The following ZNF214 variants were observed in gnomAD, a reference collection of about 807,000 sequenced individuals.
ZNF214 encodes the protein zinc finger protein 214, also known as BWSCR2-associated zinc finger protein 1.
In ZNF214, 43 loss-of-function variants were observed where a neutral mutation model predicts 53.9. That is an observed-to-expected ratio of 0.80 (90% CI 0.63 to 1.03). The LOEUF (loss-of-function observed/expected upper bound fraction) is 1.03, where lower values mean the gene tolerates loss of function less well. Among genes scored for constraint, ZNF214 ranks in the 50% least tolerant of loss-of-function variants. ZNF214 has a pLI of 0.00. For synonymous variants in ZNF214, 217 were observed against 229.5 expected (o/e 0.95, Z 0.49); for missense variants, 724 against 719.1 (o/e 1.01, Z -0.08).
chr11:7,016,684 A>G (rs1851778185), intron 1 of ZNF214, among the ~76,000 whole-genome samples: 1 of 152,230 alleles, frequency 6.6e-6, no homozygotes, highest in African/African-American at 2.4e-5. Context: ...GTATATGAAA[A>G]GGTAGCACCA....
rs560002290 is a variant in ZNF214, at chr11:7,010,531, A to G, written c.-20-7676T>C. Among the ~76,000 whole-genome samples the G allele has an allele frequency of 5.3e-5, 8 of 152,036 alleles. 1 individual carries two copies. In the South Asian group the frequency reaches 1.7e-3, roughly 32 times the overall value. ...CAAACACTCATGACTCACAATTTAT[A>G]TAACAAAGCTGTATATATAACCCTA... On this transcript the variant is annotated intron_variant, in intron 1 of 2. Coordinates refer to ENST00000278314, the MANE Select transcript of ZNF214 (RefSeq NM_013249.4).
chr11:6,998,674 A>G lies in ZNF214; in HGVS notation c.*1188T>C, dbSNP rs932353894. On this transcript the variant is annotated 3_prime_UTR_variant, in exon 3 of 3. Transcript: ENST00000278314. ...ACTTGTATATTTCTACTCTATCTTT[A>G]CTGAGTTCAGATTCTCTGTTATGCC... 1.3e-4 allele frequency among the ~76,000 whole-genome samples: 20 copies of G among 151,762 alleles called. No individual in the cohort carries two copies. Among genetic ancestry groups the G allele is most frequent in the African/African-American group, 4.8e-4 (20 of 41,332 alleles).
chr11:7,000,508 C>T lies in ZNF214; in HGVS notation c.1175G>A (p.Gly392Asp), dbSNP rs555693892. ...ATTTGAGCTCTGGCTGAAACCCTTACCACACTCATCACACTTATATGGTTT... is the reference window on the plus strand; with the variant it reads ...ATTTGAGCTCTGGCTGAAACCCTTATCACACTCATCACACTTATATGGTTT... ...GEKPYKCDEC[G>D]KGFSQSSNLR... The change falls in exon 3 of 3, where the codon GGT (glycine) becomes GAT (aspartate). Residue 392 changes from glycine (G) to aspartate (D), a missense_variant. By Grantham distance (94) the Gly-to-Asp change is moderately conservative (BLOSUM62 -1). Transcript: ENST00000278314. 5.0e-6 allele frequency: 8 copies of T among 1,612,596 alleles called. No individual in the cohort carries two copies. The African/African-American group carries it at 9.3e-5, about 19-fold the overall frequency.
In ZNF214 at chr11:7,000,839, C is replaced by G; in HGVS notation, c.844G>C (p.Gly282Arg). ...ACTCCGGAGCTCTGATGAAAGTTAC[C>G]GTCAACTTCATCACATCCGTACAGC... ...KKLYGCDEVD[G>R]NFHQSSGVHF... Residue 282 changes from glycine to arginine, a missense_variant, in exon 3 of 3, where the codon GGT becomes CGT. Gly to Arg is a moderately radical substitution (Grantham distance 125, BLOSUM62 -2). Transcript: ENST00000278314. 6.2e-7 allele frequency: 1 copy of G among 1,612,234 alleles called. No homozygotes were observed. Among genetic ancestry groups the G allele is most frequent in the Non-Finnish European group, 8.5e-7 (1 of 1,179,236 alleles).
At chr11:7,017,651 A>C (rs568655609) in intron 1 of ZNF214, among the ~76,000 whole-genome samples, 86 of 151,736 alleles carry the variant, frequency 5.7e-4, no homozygotes, top group Non-Finnish European at 1.1e-3. Context: ...AGGCACGAGA[A>C]TTGCTTGAAC....
chr11:7,019,244 TCTC>T (rs1371752875), intron 1 of ZNF214, among the ~76,000 whole-genome samples: 3 of 152,192 alleles, frequency 2.0e-5, no homozygotes, highest in Admixed American at 2.0e-4. Flanking sequence ...GACGCACACA[TCTC>T]CTAGCAAGAG....
In ZNF214 at chr11:7,002,785, C is replaced by T. The variant is rs780006120; in HGVS notation, c.51G>A (p.Trp17Ter). 1.9e-6 allele frequency: 3 copies of T among 1,609,646 alleles called. No homozygotes were observed. Among genetic ancestry groups the T allele is most frequent in the Non-Finnish European group, 2.5e-6 (3 of 1,177,944 alleles). The change falls in exon 2 of 3, where the codon TGG (tryptophan) becomes TGA (stop). Residue 17 changes from tryptophan (W) to a stop codon, truncating the protein, a stop_gained. Transcript: ENST00000278314. LOFTEE classifies it high-confidence loss of function. ...TTTTTTGAGAAGAATCCAGGAATTTCCACTCCTCCCATGTAAAAATAATAG... is the reference window on the plus strand; with the variant it reads ...TTTTTTGAGAAGAATCCAGGAATTTTCACTCCTCCCATGTAAAAATAATAG... ...DVTIIFTWEEWKFLDSSQKRL... is the reference protein window; with the variant it reads ...DVTIIFTWEE
intron 1 of ZNF214, chr11:7,015,866 A>G (rs1851751240): frequency 6.6e-6 from 1 of 152,174 alleles, no homozygotes; most frequent in Non-Finnish European, 1.5e-5. Context: ...AATTCATAAC[A>G]TGGCTTGACA....
intron 1 of ZNF214, among the ~76,000 whole-genome samples, chr11:7,004,010 T>C (rs917615123): frequency 6.6e-6 from 1 of 151,726 alleles, no homozygotes; most frequent in Non-Finnish European, 1.5e-5. Context: ...ACTGTGAAAG[T>C]TGGTATCTGG....
At chr11:7,007,933 T>C (rs1411117083) in intron 1 of ZNF214, among the ~76,000 whole-genome samples, 1 of 152,078 alleles carries the variant, frequency 6.6e-6, no homozygotes, top group Admixed American at 6.6e-5. Context: ...TACAATGTAA[T>C]AAAATTTGAA....
At position 7,001,565 on chromosome 11, in the gene ZNF214, TA is replaced by T. The variant is rs781447241; in HGVS notation, c.128-11del. 16 of 1,579,730 alleles carry T rather than the reference TA, an allele frequency of 1.0e-5. No homozygotes were observed. The East Asian group carries it at 3.4e-4, about 33-fold the overall frequency. ...CTCTCATTCCAGTTTTCTAGAAAAA[TA>T]AAAAGATAATCCCATGGTGAGATAA... On this transcript the variant is annotated splice_polypyrimidine_tract_variant and intron_variant, in intron 2 of 2. Coordinates refer to ENST00000278314, the MANE Select transcript of ZNF214 (RefSeq NM_013249.4).
chr11:7,002,619 C>T, intron 2 of ZNF214, 90 bp downstream of exon 2: 1 of 1,340,400 alleles, frequency 7.5e-7, no homozygotes. Context: ...CTTCCAACAC[C>T]TCAATATAAC....
At chr11:7,008,534 GA>G (rs35025985) in intron 1 of ZNF214, among the ~76,000 whole-genome samples, 86,988 of 151,824 alleles carry the variant, frequency 0.57, 25,886 homozygotes, top group East Asian at 0.73. Flanking sequence ...AAAAAGACAA[GA>G]ATGCCCACTC....
At chr11:7,019,370 C>T (rs1851855846) in intron 1 of ZNF214, among the ~76,000 whole-genome samples, 1 of 152,142 alleles carries the variant, frequency 6.6e-6, no homozygotes, top group Non-Finnish European at 1.5e-5. Context: ...TCAAAAGATA[C>T]AACTCACTTA....
chr11:7,004,395 AACTTCCC>A (rs11278670), intron 1 of ZNF214, among the ~76,000 whole-genome samples: 86,414 of 151,246 alleles, frequency 0.57, 25,597 homozygotes, highest in East Asian at 0.73. Flanking sequence ...CATAGTGTAC[AACTTCCC>A]ACTTCAGTAC....
At chr11:7,018,495 C>CATTTTTTTT (rs1851827741) in intron 1 of ZNF214, among the ~76,000 whole-genome samples, 1 of 61,876 alleles carries the variant, frequency 1.6e-5, no homozygotes, top group Admixed American at 2.5e-4. Flanking sequence ...AATGTTAAGA[C>CATTTTTTTT]TTTTTTTTTT....
Position 7,001,236 on chromosome 11 carries a change from G to A in ZNF214, c.447C>T (p.Asp149=). ...CACTCATGTAGATTTCTCTACCATAGTCTTGAGTGGTTTTTGTTTCTAAGG... is the reference window on the plus strand; with the variant it reads ...CACTCATGTAGATTTCTCTACCATAATCTTGAGTGGTTTTTGTTTCTAAGG... The part of the protein sequence containing the change: ...WQSLETKTTQ[D]YGREIYMSGS... Residue 149 remains aspartate, a synonymous_variant, in exon 3 of 3, where the codon GAC becomes GAT. Coordinates refer to ENST00000278314, the MANE Select transcript of ZNF214 (RefSeq NM_013249.4). The A allele has an allele frequency of 6.2e-7, 1 of 1,613,232 alleles. No individual in the cohort carries two copies. Among genetic ancestry groups the A allele is most frequent in the Non-Finnish European group, 8.5e-7 (1 of 1,179,508 alleles).
intron 1 of ZNF214, among the ~76,000 whole-genome samples, chr11:7,011,081 T>C (rs1468521932): frequency 6.6e-6 from 1 of 152,072 alleles, no homozygotes; most frequent in East Asian, 1.9e-4. Context: ...AAGAGTTTTA[T>C]AGCTGAGTTC....
At chr11:7,003,012 A>G (rs1284988194) in intron 1 of ZNF214, among the ~76,000 whole-genome samples, 157 bp from the exon 2 acceptor site, 1 of 152,006 alleles carries the variant, frequency 6.6e-6, no homozygotes, top group East Asian at 1.9e-4. Flanking sequence ...AAATAGCTAA[A>G]TAATATATCC....
Sources: allele counts gnomAD v4.1 joint callset (sites outside exome capture counted in the v4.1 genomes callset), GRCh38; gene constraint gnomAD v4.1.1; transcripts MANE v1.5; gene names NCBI Gene and HGNC (gene_info 2026-07-23, HGNC 2026-07-21).